FBXL17: variants seen among roughly 807,000 people sequenced by gnomAD.
FBXL17 encodes F-box and leucine rich repeat protein 17.
Under a neutral mutation model 66.2 loss-of-function variants are expected in FBXL17, and 22 were observed. The observed-to-expected ratio is 0.33, with a 90% confidence interval of 0.24 to 0.47. The LOEUF (loss-of-function observed/expected upper bound fraction) is 0.47, where lower values mean the gene tolerates loss of function less well. Ranked by LOEUF, FBXL17 falls within the 20% of genes least tolerant of loss-of-function variation. The pLI, the probability that FBXL17 is intolerant of heterozygous loss-of-function variation, is 1.00. For synonymous variants in FBXL17, 474 were observed against 400.5 expected (o/e 1.18, Z -2.19); for missense variants, 878 against 948.2 (o/e 0.93, Z 0.97).
chr5:108,279,287 C>A (rs1397715814), intron 4 of FBXL17, among the ~76,000 whole-genome samples: 1 of 151,934 alleles, frequency 6.6e-6, no homozygotes, highest in Non-Finnish European at 1.5e-5. Flanking sequence ...TGTTCAAAGC[C>A]CTGGGAACAA....
chr5:108,113,655 C>T (rs1386384811), intron 6 of FBXL17, among the ~76,000 whole-genome samples: 1 of 152,030 alleles, frequency 6.6e-6, no homozygotes, highest in Non-Finnish European at 1.5e-5. Flanking sequence ...TGAGAAATGT[C>T]CCCATTGAAC....
At chr5:108,058,546 C>G (rs1328016379) in intron 6 of FBXL17, among the ~76,000 whole-genome samples, 4 of 151,210 alleles carry the variant, frequency 2.6e-5, no homozygotes, top group Non-Finnish European at 5.9e-5. Flanking sequence ...GTACAGTAGC[C>G]CAATCTCAGC....
intron 4 of FBXL17, among the ~76,000 whole-genome samples, chr5:108,307,099 T>C (rs1459751984): frequency 6.6e-6 from 1 of 152,058 alleles, no homozygotes; most frequent in Non-Finnish European, 1.5e-5. Flanking sequence ...TGTATCAATG[T>C]GTGTAACGCA....
At chr5:107,945,414 AAGGAT>A in intron 7 of FBXL17, among the ~76,000 whole-genome samples, 1 of 152,284 alleles carries the variant, frequency 6.6e-6, no homozygotes, top group South Asian at 2.1e-4. Context: ...GAAGATACAC[AAGGAT>A]ATTCATTGCA....
intron 4 of FBXL17, among the ~76,000 whole-genome samples, chr5:108,266,780 C>T (rs1757063083): frequency 1.3e-5 from 2 of 152,054 alleles, no homozygotes; most frequent in South Asian, 2.1e-4. Context: ...TTTGTGGCTA[C>T]AGTGCATAAT....
chr5:107,863,228 T>C (rs995603125), intron 8 of FBXL17, among the ~76,000 whole-genome samples: 1 of 151,476 alleles, frequency 6.6e-6, no homozygotes, highest in African/African-American at 2.4e-5. Context: ...GCTCTAAGTC[T>C]AGAGTTCAGA....
At chr5:108,150,366 G>A (rs1345766214) in intron 6 of FBXL17, among the ~76,000 whole-genome samples, 1 of 152,032 alleles carries the variant, frequency 6.6e-6, no homozygotes, top group Admixed American at 6.6e-5. Context: ...ACCACACTTG[G>A]CTAACTTTTT....
At chr5:108,126,999 T>G (rs2149971874) in intron 6 of FBXL17, among the ~76,000 whole-genome samples, 1 of 152,136 alleles carries the variant, frequency 6.6e-6, no homozygotes, top group African/African-American at 2.4e-5. Context: ...CTTGGGTTCC[T>G]AATACAATTT....
intron 7 of FBXL17, among the ~76,000 whole-genome samples, chr5:107,939,272 G>A (rs1432656201): frequency 6.6e-6 from 1 of 151,954 alleles, no homozygotes; most frequent in Non-Finnish European, 1.5e-5. Flanking sequence ...TTATTTTCAG[G>A]TTGAATTCAT....
chr5:108,037,058 T>A (rs185565751), intron 6 of FBXL17, among the ~76,000 whole-genome samples: 64 of 152,164 alleles, frequency 4.2e-4, no homozygotes, highest in African/African-American at 1.4e-3. Flanking sequence ...AAAATATAAA[T>A]AATAAGGTAA....
chr5:107,976,265 C>T (rs1752579684), intron 7 of FBXL17, among the ~76,000 whole-genome samples: 1 of 152,134 alleles, frequency 6.6e-6, no homozygotes, highest in African/African-American at 2.4e-5. Context: ...CATCTCATCC[C>T]TGGATTTCCC....
At chr5:108,091,379 G>T (rs571980670) in intron 6 of FBXL17, among the ~76,000 whole-genome samples, 1 of 152,140 alleles carries the variant, frequency 6.6e-6, no homozygotes, top group African/African-American at 2.4e-5. Flanking sequence ...ATTTGAACTT[G>T]CATGACAAAA....
intron 4 of FBXL17, among the ~76,000 whole-genome samples, chr5:108,277,780 G>C (rs1757542223): frequency 6.6e-6 from 1 of 152,178 alleles, no homozygotes; most frequent in Non-Finnish European, 1.5e-5. Flanking sequence ...ATAAAAGCAA[G>C]TCACATGAAT....
chr5:108,137,454 C>A (rs921577210), intron 6 of FBXL17, among the ~76,000 whole-genome samples: 1 of 152,044 alleles, frequency 6.6e-6, no homozygotes, highest in African/African-American at 2.4e-5. Flanking sequence ...GAATCAGATA[C>A]ATCAGCCAAA....
chr5:108,052,112 C>CAAAAAAAAAAAAAAAAAAAAAAAAA (rs144705189), intron 6 of FBXL17, among the ~76,000 whole-genome samples: 1 of 102,194 alleles, frequency 9.8e-6, no homozygotes, highest in Non-Finnish European at 1.9e-5. Flanking sequence ...GACTTCGTCT[C>CAAAAAAAAAAAAAAAAAAAAAAAAA]AAAAAAAAAA....
intron 7 of FBXL17, among the ~76,000 whole-genome samples, chr5:108,018,329 T>C (rs370713236): frequency 4.3e-4 from 65 of 152,252 alleles, no homozygotes; most frequent in Non-Finnish European, 7.1e-4. Context: ...TTCTTAGAAT[T>C]TGTAATAATA....
At position 108,161,161 on chromosome 5, in the gene FBXL17, GATACATAC is replaced by G. The variant is rs36073647; in HGVS notation, c.1745+24948_1745+24955del. On this transcript the variant is annotated intron_variant, in intron 6 of 8. Coordinates refer to ENST00000542267, the MANE Select transcript of FBXL17 (RefSeq NM_001163315.3). ...GTTGGGAATAATTAATCAACAAATA[GATACATAC>G]ATACATACATACATACATACATACA... is the stretch of plus-strand genomic sequence containing the variant. Among the ~76,000 whole-genome samples, 641 of 149,260 alleles carry G rather than the reference GATACATAC, an allele frequency of 4.3e-3. 2 individuals carry two copies. The highest frequency in any genetic ancestry group is 0.015 in the African/African-American group (601 of 40,290).
At chr5:108,322,147 C>G (rs1040608940) in intron 4 of FBXL17, among the ~76,000 whole-genome samples, 1 of 151,856 alleles carries the variant, frequency 6.6e-6, no homozygotes, top group Non-Finnish European at 1.5e-5. Flanking sequence ...GCAATATCTA[C>G]GAAAATCACA....
chr5:108,191,318 C>T (rs1462242147), intron 5 of FBXL17, among the ~76,000 whole-genome samples: 2 of 152,128 alleles, frequency 1.3e-5, no homozygotes, highest in Admixed American at 1.3e-4. Context: ...CTCTTGCCTT[C>T]CTTCATTGTA....
Sources: allele counts gnomAD v4.1 joint callset (sites outside exome capture counted in the v4.1 genomes callset), GRCh38; gene constraint gnomAD v4.1.1; transcripts MANE v1.5; gene names NCBI Gene and HGNC (gene_info 2026-07-23, HGNC 2026-07-21).